UGT1A5: variants seen among roughly 807,000 people sequenced by gnomAD.
UGT1A5 encodes UDP glucuronosyltransferase family 1 member A5.
In UGT1A5, 29 loss-of-function variants were observed where a neutral mutation model predicts 40.3. That is an observed-to-expected ratio of 0.72 (90% CI 0.54 to 0.98). UGT1A5 has a LOEUF of 0.98. Among genes scored for constraint, UGT1A5 ranks in the 50% least tolerant of loss-of-function variants. UGT1A5 has a pLI of 0.00. For missense variants in UGT1A5, 678 were observed against 677.9 expected (o/e 1.00, Z 0.00); for synonymous variants, 257 against 262.5 (o/e 0.98, Z 0.20).
At position 233,767,889 on chromosome 2, in the gene UGT1A5, C is replaced by A; in HGVS notation, c.1040C>A (p.Ala347Glu). The A allele has an allele frequency of 2.5e-6, 4 of 1,614,136 alleles. No individual in the cohort carries two copies. Among genetic ancestry groups the A allele is most frequent in the Non-Finnish European group, 3.4e-6 (4 of 1,180,034 alleles). ...ACTGGAACCCGACCATCGAATCTTG[C>A]GAACAACACGATACTTGTTAAGTGG... ...RYTGTRPSNLANNTILVKWLP... is the reference protein window; with the variant it reads ...RYTGTRPSNLENNTILVKWLP... Residue 347 changes from alanine (A) to glutamate (E), a missense_variant, in exon 3 of 5, where the codon GCG becomes GAG. Physicochemically the swap from Ala to Glu is moderately radical, Grantham distance 107. Transcript: ENST00000373414.
At chr2:233,754,396 G>A (rs1026750148) in intron 1 of UGT1A5, 5 of 330,592 alleles carry the variant, frequency 1.5e-5, no homozygotes, top group East Asian at 7.7e-5. Context: ...GGTCCTATCC[G>A]TGCAGTCCCA....
intron 1 of UGT1A5, chr2:233,755,366 T>A (rs938544322): frequency 6.9e-5 from 25 of 362,910 alleles, no homozygotes; most frequent in African/African-American, 5.3e-4. Flanking sequence ...CTGGGCCGCC[T>A]GGAGGGCCGC....
At chr2:233,741,974 C>A (rs1011197699) in intron 1 of UGT1A5, 2 of 151,852 alleles carry the variant, frequency 1.3e-5, no homozygotes, top group Non-Finnish European at 2.9e-5. Context: ...GTTTATGGTG[C>A]CTCACCCAAA....
intron 1 of UGT1A5, chr2:233,743,659 G>A (rs1692418215): frequency 1.5e-6 from 2 of 1,367,268 alleles, no homozygotes; most frequent in Non-Finnish European, 2.0e-6. Context: ...CGTACTCGAA[G>A]GGGTCCTCGA....
chr2:233,734,316 G>A (rs901431667), intron 1 of UGT1A5, among the ~76,000 whole-genome samples: 3 of 152,136 alleles, frequency 2.0e-5, no homozygotes, highest in Admixed American at 6.5e-5. Context: ...TTGTGTAGAC[G>A]TATTTATAGT....
chr2:233,757,188 C>CT (rs910058978), intron 1 of UGT1A5, among the ~76,000 whole-genome samples: 3 of 150,488 alleles, frequency 2.0e-5, no homozygotes, highest in African/African-American at 7.4e-5. Flanking sequence ...GCAGAGGACT[C>CT]TGAATTTTCT....
At chr2:233,726,457 C>G (rs1196256616) in intron 1 of UGT1A5, among the ~76,000 whole-genome samples, 2 of 152,164 alleles carry the variant, frequency 1.3e-5, no homozygotes, top group Admixed American at 1.3e-4. Context: ...TGAATGTAAG[C>G]TCATTTCTTT....
intron 1 of UGT1A5, among the ~76,000 whole-genome samples, chr2:233,759,654 A>G: frequency 8.3e-6 from 1 of 120,204 alleles, no homozygotes; most frequent in Non-Finnish European, 1.6e-5. Flanking sequence ...CACGATTTCT[A>G]AGTTCCTGCT....
chr2:233,721,249 T>C (rs2076931070), intron 1 of UGT1A5, among the ~76,000 whole-genome samples: 1 of 152,214 alleles, frequency 6.6e-6, no homozygotes, highest in Non-Finnish European at 1.5e-5. Flanking sequence ...GTAAAAAATA[T>C]ATATGTTCTT....
chr2:233,746,864 A>G (rs1693495912), intron 1 of UGT1A5, among the ~76,000 whole-genome samples: 1 of 151,076 alleles, frequency 6.6e-6, no homozygotes, highest in South Asian at 2.1e-4. Flanking sequence ...CTGCAGCCTG[A>G]TAAACGTGGT....
chr2:233,770,051 A>G (rs1483114372), intron 4 of UGT1A5: 1 of 154,750 alleles, frequency 6.5e-6, no homozygotes, highest in Non-Finnish European at 1.4e-5. Flanking sequence ...CTTGAGGCTC[A>G]CATTATGGAT....
chr2:233,759,921 T>C (rs1359496363), intron 1 of UGT1A5, among the ~76,000 whole-genome samples: 1 of 152,198 alleles, frequency 6.6e-6, no homozygotes, highest in African/African-American at 2.4e-5. Context: ...TTCTGTTTAA[T>C]TTCTGGAAAA....
At position 233,734,864 on chromosome 2, in the gene UGT1A5, C is replaced by T. The variant is rs1375585915; in HGVS notation, c.867+21006C>T. 3.3e-5 allele frequency among the ~76,000 whole-genome samples: 5 copies of T among 152,224 alleles called. No individual in the cohort carries two copies. In the East Asian group the frequency reaches 9.6e-4, roughly 29 times the overall value. ...AATCCAGAGTTCTAATTTGACTGCA[C>T]TATGGTCTGAGAGACAGTTTGTTGT... is the stretch of plus-strand genomic sequence containing the variant. On this transcript the variant is annotated intron_variant, in intron 1 of 4. Coordinates refer to ENST00000373414, the MANE Select transcript of UGT1A5 (RefSeq NM_019078.2).
At chr2:233,717,804 C>G (rs147106885) in intron 1 of UGT1A5, 15 of 456,002 alleles carry the variant, frequency 3.3e-5, no homozygotes, top group African/African-American at 1.6e-4. Context: ...AGTGCCCCCA[C>G]AAATTATGCA....
chr2:233,755,203 A>T, intron 1 of UGT1A5: 1 of 1,097,556 alleles, frequency 9.1e-7, no homozygotes, highest in African/African-American at 1.6e-5. Flanking sequence ...AGCTTGCGGT[A>T]CGCCTTCTTG....
In UGT1A5 at chr2:233,772,456, T is replaced by A; in HGVS notation, c.1502T>A (p.Leu501Gln). The A allele has an allele frequency of 6.2e-7, 1 of 1,614,218 alleles. No homozygotes were observed. The highest frequency in any genetic ancestry group is 8.5e-7 in the Non-Finnish European group (1 of 1,180,044). Residue 501 changes from leucine to glutamine, a missense_variant, in exon 5 of 5, where the codon CTG (leucine) becomes CAG (glutamine). Leu to Gln is a moderately radical substitution (Grantham distance 113). Coordinates refer to ENST00000373414, the MANE Select transcript of UGT1A5 (RefSeq NM_019078.2). ...ATTGGTTTCCTCTTGGCCGTCGTGC[T>A]GACAGTGGCCTTCATCACCTTTAAA... is the stretch of plus-strand genomic sequence containing the variant. ...DVIGFLLAVV[L>Q]TVAFITFKCC...
chr2:233,743,812 G>C (rs1692526779), intron 1 of UGT1A5: 1 of 1,367,182 alleles, frequency 7.3e-7, no homozygotes, highest in African/African-American at 1.5e-5. Flanking sequence ...TGTTCTCAGG[G>C]TTTTTGTCGG....
chr2:233,746,540 T>G (rs1172057692), intron 1 of UGT1A5, among the ~76,000 whole-genome samples: 2 of 151,806 alleles, frequency 1.3e-5, no homozygotes, highest in Admixed American at 6.5e-5. Context: ...TGCCCTGCTG[T>G]GTGACTTCTT....
rs576086579 is a variant in UGT1A5, at chr2:233,713,023, A to G, written c.32A>G (p.Gln11Arg). Reference sequence around the variant, plus strand: ...ACAGGACTCCAGGTTCCCCTGCCGCAGCTGGCCACAGGACTGCTGCTTCTC... The same window carrying G: ...ACAGGACTCCAGGTTCCCCTGCCGCGGCTGGCCACAGGACTGCTGCTTCTC... MATGLQVPLP[Q>R]LATGLLLLLS... Residue 11 changes from glutamine to arginine, a missense_variant, in exon 1 of 5, where the codon CAG becomes CGG. By Grantham distance (43) the Gln-to-Arg change is conservative. Coordinates refer to ENST00000373414, the MANE Select transcript of UGT1A5 (RefSeq NM_019078.2). 145 of 1,613,794 alleles carry G rather than the reference A, an allele frequency of 9.0e-5. No individual in the cohort carries two copies. The highest frequency in any genetic ancestry group is 7.0e-4 in the Middle Eastern group (4 of 5,730).
Sources: allele counts gnomAD v4.1 joint callset (sites outside exome capture counted in the v4.1 genomes callset), GRCh38; gene constraint gnomAD v4.1.1; transcripts MANE v1.5; gene names NCBI Gene and HGNC (gene_info 2026-07-23, HGNC 2026-07-21).